Variants in ATP9A observed in about 807,000 individuals in gnomAD.
ATP9A encodes the protein ATPase phospholipid transporting 9A, also known as probable phospholipid-transporting ATPase IIA.
Under a neutral mutation model 144.1 loss-of-function variants are expected in ATP9A, and 52 were observed. That is an observed-to-expected ratio of 0.36 (90% confidence interval 0.29 to 0.45). The LOEUF is 0.45. Ranked by LOEUF, ATP9A falls within the 20% of genes least tolerant of loss-of-function variation. The probability of loss-of-function intolerance (pLI) is 1.00; values close to 1 mark genes in which losing one functional copy is unlikely to be tolerated. For missense variants in ATP9A, 947 were observed against 1,392.7 expected (o/e 0.68, Z 5.09); for synonymous variants, 582 against 557.4 (o/e 1.04, Z -0.62).
chr20:51,652,486 T>C (rs761755606), intron 14 of ATP9A, among the ~76,000 whole-genome samples: 4 of 152,216 alleles, frequency 2.6e-5, no homozygotes, highest in Non-Finnish European at 4.4e-5. Context: ...TTTATTGATA[T>C]TGAATTTCAA....
chr20:51,735,801 C>A (rs982197968), intron 1 of ATP9A, among the ~76,000 whole-genome samples: 1 of 152,224 alleles, frequency 6.6e-6, no homozygotes, highest in Non-Finnish European at 1.5e-5. Flanking sequence ...TTAGTAACAA[C>A]AACAAGGCAA....
chr20:51,703,263 T>C (rs902060627), intron 4 of ATP9A, among the ~76,000 whole-genome samples: 1 of 152,176 alleles, frequency 6.6e-6, no homozygotes, highest in Non-Finnish European at 1.5e-5. Flanking sequence ...TATCTTCTTA[T>C]AAAGTGCACA....
At chr20:51,731,865 TC>T (rs1308561561) in intron 1 of ATP9A, among the ~76,000 whole-genome samples, 2 of 152,078 alleles carry the variant, frequency 1.3e-5, no homozygotes, top group Non-Finnish European at 2.9e-5. Context: ...AGCTGCTAGT[TC>T]CACCAAGATT....
intron 1 of ATP9A, among the ~76,000 whole-genome samples, chr20:51,750,765 G>A (rs1568847167): frequency 6.6e-6 from 1 of 152,164 alleles, no homozygotes; most frequent in Non-Finnish European, 1.5e-5. Context: ...CTCTTAGCTG[G>A]AGTCTGGCAA....
chr20:51,648,674 A>G (rs1288401113), intron 14 of ATP9A, among the ~76,000 whole-genome samples: 2 of 152,158 alleles, frequency 1.3e-5, no homozygotes, highest in East Asian at 3.9e-4. Context: ...CTACAATAAA[A>G]TACAAAAATT....
chr20:51,710,559 G>C (rs1006432767), intron 4 of ATP9A, among the ~76,000 whole-genome samples: 5 of 152,078 alleles, frequency 3.3e-5, no homozygotes, highest in Non-Finnish European at 7.4e-5. Flanking sequence ...AACTCGCCTC[G>C]ATCACTTTCC....
intron 3 of ATP9A, among the ~76,000 whole-genome samples, chr20:51,723,016 G>A (rs1339376697): frequency 2.6e-5 from 4 of 152,056 alleles, no homozygotes; most frequent in African/African-American, 7.2e-5. Flanking sequence ...CCCATCAATC[G>A]ACGAGTGGAT....
chr20:51,645,605 A>G (rs1043976849), intron 14 of ATP9A, among the ~76,000 whole-genome samples: 1 of 152,102 alleles, frequency 6.6e-6, no homozygotes, highest in Non-Finnish European at 1.5e-5. Context: ...TGAGCCCTGC[A>G]GGAAGTCTTT....
intron 4 of ATP9A, among the ~76,000 whole-genome samples, chr20:51,709,555 T>C (rs557256991): frequency 4.5e-4 from 69 of 151,850 alleles, no homozygotes; most frequent in African/African-American, 1.6e-3. Context: ...GGCAACCCCA[T>C]CTCTAGAAAT....
chr20:51,638,110 T>G (rs1189098307), intron 15 of ATP9A, among the ~76,000 whole-genome samples: 1 of 109,018 alleles, frequency 9.2e-6, no homozygotes, highest in African/African-American at 3.8e-5. Flanking sequence ...TATATATATA[T>G]ATATATATAT....
intron 2 of ATP9A, among the ~76,000 whole-genome samples, chr20:51,727,134 T>C (rs1264263457): frequency 3.4e-5 from 5 of 149,222 alleles, no homozygotes; most frequent in Non-Finnish European, 5.9e-5. Context: ...TCTACAAAAA[T>C]ACAAAAAATT....
At chr20:51,688,021 A>G (rs1752976715) in intron 9 of ATP9A, among the ~76,000 whole-genome samples, 1 of 152,230 alleles carries the variant, frequency 6.6e-6, no homozygotes, top group Non-Finnish European at 1.5e-5. Flanking sequence ...CAAAATGCCT[A>G]GGTTCAAGTT....
At chr20:51,683,776 T>G (rs1477872998) in intron 9 of ATP9A, among the ~76,000 whole-genome samples, 1 of 152,168 alleles carries the variant, frequency 6.6e-6, no homozygotes, top group Non-Finnish European at 1.5e-5. Flanking sequence ...AAACACAGAC[T>G]GGGCCTAAGA....
At chr20:51,637,239 A>C (rs7274628) in intron 15 of ATP9A, among the ~76,000 whole-genome samples, 2,278 of 148,618 alleles carry the variant, frequency 0.015, 52 homozygotes, top group African/African-American at 0.052. Flanking sequence ...TGGTGCAAAG[A>C]TAGGAGGGCG....
chr20:51,728,626 CAA>C (rs3030165), intron 2 of ATP9A, among the ~76,000 whole-genome samples: 1 of 130,000 alleles, frequency 7.7e-6, no homozygotes. Context: ...GACTCCATCT[CAA>C]AAAAAAAAAA....
intron 1 of ATP9A, among the ~76,000 whole-genome samples, chr20:51,737,739 T>C (rs1293193680): frequency 1.3e-5 from 2 of 152,144 alleles, no homozygotes; most frequent in Non-Finnish European, 2.9e-5. Context: ...TGATATTAAC[T>C]AAGCAAAAAA....
chr20:51,625,995 G>A (rs570250186), intron 17 of ATP9A, among the ~76,000 whole-genome samples: 9 of 152,314 alleles, frequency 5.9e-5, no homozygotes, highest in East Asian at 1.9e-4. Flanking sequence ...CAGTTTCCCC[G>A]CATGGAGCAG....
chr20:51,626,403 C>T (rs1452599907), intron 17 of ATP9A, among the ~76,000 whole-genome samples: 2 of 151,558 alleles, frequency 1.3e-5, no homozygotes, highest in Non-Finnish European at 2.9e-5. Context: ...GGAGGAGAAT[C>T]GCTTGAATCC....
At chr20:51,607,267 G>A (rs1229292146) in intron 26 of ATP9A, among the ~76,000 whole-genome samples, 3 of 152,216 alleles carry the variant, frequency 2.0e-5, no homozygotes, top group Non-Finnish European at 4.4e-5. Flanking sequence ...TGCCTCATGA[G>A]TGGAGCAGCC....
Sources: gnomAD v4.1 joint callset for allele counts (sites outside exome capture counted in the v4.1 genomes callset) on GRCh38, gnomAD v4.1.1 for gene constraint, MANE v1.5 for transcripts, NCBI Gene and HGNC (gene_info 2026-07-23, HGNC 2026-07-21) for gene names.